RAB27B: variants seen among roughly 807,000 people sequenced by gnomAD.
RAB27B encodes RAB27B, member RAS oncogene family.
Under a neutral mutation model 24.6 loss-of-function variants are expected in RAB27B, and 15 were observed. That is an observed-to-expected ratio of 0.61 (90% CI 0.41 to 0.94). The LOEUF is 0.94. Ranked by LOEUF, RAB27B falls within the 40% of genes least tolerant of loss-of-function variation. RAB27B has a pLI of 0.00. For missense variants in RAB27B, 261 were observed against 266.8 expected, an observed-to-expected ratio of 0.98 and a Z score of 0.15; for synonymous variants, 105 against 92.5, an observed-to-expected ratio of 1.14 and a Z score of -0.78.
At chr18:54,843,360 CTTT>C (rs59589200) in intron 1 of RAB27B, among the ~76,000 whole-genome samples, 149 of 150,564 alleles carry the variant, frequency 9.9e-4, no homozygotes, top group African/African-American at 3.5e-3. Context: ...CAATAAAACT[CTTT>C]TTTTTTTTAG....
At chr18:54,879,487 A>G (rs778635668) in intron 3 of RAB27B, 33 bp downstream of exon 3, 2 of 1,536,856 alleles carry the variant, frequency 1.3e-6, no homozygotes, top group Non-Finnish European at 1.8e-6. Flanking sequence ...GTGGCTACAC[A>G]TAGCTTAGAA....
intron 2 of RAB27B, among the ~76,000 whole-genome samples, chr18:54,779,103 G>A (rs1340588893): frequency 6.6e-6 from 1 of 152,132 alleles, no homozygotes; most frequent in African/African-American, 2.4e-5. Context: ...CTCCCAAAGT[G>A]CTAGGATTAC....
intron 2 of RAB27B, among the ~76,000 whole-genome samples, chr18:54,800,556 A>G (rs1415330716): frequency 1.3e-5 from 2 of 152,186 alleles, no homozygotes; most frequent in Admixed American, 1.3e-4. Context: ...ACAACTATTC[A>G]TCTCTTGCAA....
intron 2 of RAB27B, among the ~76,000 whole-genome samples, chr18:54,812,877 T>C (rs1051808820): frequency 2.0e-5 from 3 of 152,164 alleles, no homozygotes; most frequent in Non-Finnish European, 4.4e-5. Context: ...ATAAAACTAA[T>C]AATTCAAGAA....
intron 2 of RAB27B, among the ~76,000 whole-genome samples, chr18:54,781,718 A>G (rs1908924035): frequency 6.6e-6 from 1 of 152,228 alleles, no homozygotes; most frequent in Non-Finnish European, 1.5e-5. Flanking sequence ...CATTGCATAT[A>G]ACACATGGTA....
chr18:54,835,197 T>C (rs1406560236), intron 1 of RAB27B, among the ~76,000 whole-genome samples: 1 of 151,892 alleles, frequency 6.6e-6, no homozygotes. Context: ...AAACTAGTCA[T>C]GTCTTAGTGC....
At chr18:54,795,645 C>G (rs751273962) in intron 2 of RAB27B, among the ~76,000 whole-genome samples, 11 of 152,006 alleles carry the variant, frequency 7.2e-5, no homozygotes, top group Non-Finnish European at 1.0e-4. Flanking sequence ...TTTGGAGAGG[C>G]CTGGGCATCC....
intron 2 of RAB27B, among the ~76,000 whole-genome samples, chr18:54,784,376 G>A (rs1472340417): frequency 6.6e-6 from 1 of 152,068 alleles, no homozygotes; most frequent in South Asian, 2.1e-4. Context: ...GCTGTGGTTT[G>A]GGCTTCTAAT....
chr18:54,748,756 T>G (rs1910336570), intron 2 of RAB27B, among the ~76,000 whole-genome samples: 3 of 152,164 alleles, frequency 2.0e-5, no homozygotes, highest in Admixed American at 1.3e-4. Context: ...GAAAATGAAC[T>G]GACAAAAGAC....
In RAB27B at chr18:54,760,959, G is replaced by T. The variant is rs1472608306; in HGVS notation, c.-20+42818G>T. ...AGATCATTGTTGAATCAATGGGAAA[G>T]GTCTATGGAGGGGCAACTGTTAAAG... On this transcript the variant is annotated intron_variant, in intron 2 of 4. Transcript: ENST00000586570. 4.0e-5 allele frequency among the ~76,000 whole-genome samples: 6 copies of T among 151,022 alleles called. No individual in the cohort carries two copies. In the South Asian group the frequency reaches 1.3e-3, roughly 32 times the overall value.
rs78158781 is a variant in RAB27B, at chr18:54,758,145, T to C, written c.-20+40004T>C. ...CAATGTGTTGCCCTCTGTTAGATAA[T>C]AACCAAGTGTTTTTCAATTCAATAT... On this transcript the variant is annotated intron_variant, in intron 2 of 4. Coordinates refer to the RAB27B transcript ENST00000586570. 9.3e-3 allele frequency among the ~76,000 whole-genome samples: 1,409 copies of C among 152,296 alleles called. 23 individuals carry two copies. Among genetic ancestry groups the C allele is most frequent in the African/African-American group, 0.031 (1,300 of 41,552 alleles).
chr18:54,877,539 A>G (rs1218243217), intron 1 of RAB27B, 28 bp from the exon 2 acceptor site: 2 of 1,336,922 alleles, frequency 1.5e-6, no homozygotes, highest in East Asian at 2.8e-5. Context: ...TTTAATCAAA[A>G]CATACTTGTT....
At chr18:54,791,829 C>T (rs942369701) in intron 2 of RAB27B, among the ~76,000 whole-genome samples, 2 of 152,172 alleles carry the variant, frequency 1.3e-5, no homozygotes, top group Admixed American at 1.3e-4. Context: ...CTGAAGAGCA[C>T]ACTGGCACAT....
intron 1 of RAB27B, among the ~76,000 whole-genome samples, chr18:54,859,122 A>AC (rs1911907925): frequency 2.0e-5 from 3 of 152,284 alleles, no homozygotes; most frequent in Admixed American, 6.5e-5. Context: ...GATGTAACAT[A>AC]CCCCAGTCTG....
chr18:54,726,658 A>C (rs1041704399), intron 2 of RAB27B, among the ~76,000 whole-genome samples: 8 of 151,734 alleles, frequency 5.3e-5, no homozygotes, highest in Non-Finnish European at 1.0e-4. Flanking sequence ...TTCTACAGTA[A>C]TAATACTGGA....
Position 54,884,410 on chromosome 18 carries a change from G to C in RAB27B, c.317G>C (p.Ser106Thr). ...LLMFDLTSQQ[S>T]FLNVRNWMSQ... The stretch of plus-strand genomic sequence containing the variant: ...ATGTTTGACCTCACCAGTCAACAGA[G>C]CTTCTTAAATGTCAGAAACTGGATG... The change falls in exon 4 of 6, where the codon AGC becomes ACC. Residue 106 changes from serine to threonine, a missense_variant. Transcript: ENST00000262094. The C allele has an allele frequency of 6.2e-7, 1 of 1,611,594 alleles. No individual in the cohort carries two copies. Among genetic ancestry groups the C allele is most frequent in the South Asian group, 1.1e-5 (1 of 90,994 alleles).
intron 1 of RAB27B, among the ~76,000 whole-genome samples, chr18:54,835,952 G>C (rs1432375913): frequency 6.6e-6 from 1 of 151,936 alleles, no homozygotes; most frequent in Non-Finnish European, 1.5e-5. Context: ...CGCTTAATTT[G>C]GGTGCCCTCA....
chr18:54,803,879 G>A (rs1189247317), intron 2 of RAB27B, among the ~76,000 whole-genome samples: 1 of 152,178 alleles, frequency 6.6e-6, no homozygotes, highest in Non-Finnish European at 1.5e-5. Flanking sequence ...TGGAAGTTTG[G>A]AATTTCTAGT....
In RAB27B at chr18:54,892,645, G is replaced by A. The variant is rs1217323254; in HGVS notation, c.*3232G>A. ...AGGATTGGCAGAGAAAATACTAAAC[G>A]CCAAGAGTTGAGCCTGTGGGTCTCT... On this transcript the variant is annotated 3_prime_UTR_variant, in exon 6 of 6. Transcript: ENST00000262094. 6.6e-6 allele frequency: 1 copy of A among 152,050 alleles called. No individual in the cohort carries two copies. The highest frequency in any genetic ancestry group is 1.5e-5 in the Non-Finnish European group (1 of 67,962). 9.4% of individuals were successfully genotyped at this position (152,050 alleles called of 1,614,324 possible).
Sources: gnomAD v4.1 joint callset for allele counts (sites outside exome capture counted in the v4.1 genomes callset) on GRCh38, gnomAD v4.1.1 for gene constraint, MANE v1.5 for transcripts, NCBI Gene and HGNC (gene_info 2026-07-23, HGNC 2026-07-21) for gene names.